Variants in TXNRD2 observed in about 807,000 individuals in gnomAD.
TXNRD2 encodes the protein thioredoxin reductase 2.
TXNRD2 carries 67 observed loss-of-function variants against 70.8 expected under a neutral mutation model. The ratio of observed to expected loss-of-function variants is 0.95; its 90% CI spans 0.78 to 1.16. The LOEUF (loss-of-function observed/expected upper bound fraction) is 1.16, where lower values mean the gene tolerates loss of function less well. Ranked by LOEUF, TXNRD2 falls within the 50% of genes most tolerant of loss-of-function variation. The pLI is 0.00. For missense variants in TXNRD2, 644 were observed against 719.9 expected (o/e 0.89, Z 1.21); for synonymous variants, 301 against 295.8 (o/e 1.02, Z -0.18).
chr22:19,882,506 A>C (rs1938825694), intron 12 of TXNRD2, among the ~76,000 whole-genome samples: 1 of 152,144 alleles, frequency 6.6e-6, no homozygotes, highest in Admixed American at 6.6e-5. Flanking sequence ...GCCCCAGCTG[A>C]CACTTTCATT....
At chr22:19,915,957 C>G in intron 5 of TXNRD2, 114 bp from the exon 6 acceptor site, 1 of 959,204 alleles carries the variant, frequency 1.0e-6, no homozygotes, top group Middle Eastern at 2.1e-4. Flanking sequence ...GGGCCTGGTG[C>G]TGTGGCTCAG....
intron 17 of TXNRD2, 134 bp downstream of exon 17, chr22:19,876,906 A>G: frequency 1.7e-6 from 1 of 577,878 alleles, no homozygotes. Context: ...TGGCCTGGTT[A>G]CAGGATGGAG....
intron 1 of TXNRD2, chr22:19,933,598 C>G (rs754021409): frequency 1.0e-6 from 1 of 979,842 alleles, no homozygotes; most frequent in Non-Finnish European, 1.4e-6. Context: ...CCCCTGTGCA[C>G]ACCCAGGAGC....
At chr22:19,941,057 T>C (rs2146117713) in intron 1 of TXNRD2, among the ~76,000 whole-genome samples, 1 of 152,124 alleles carries the variant, frequency 6.6e-6, no homozygotes, top group African/African-American at 2.4e-5. Context: ...GGGGGCTGGG[T>C]CGAGGGGCCC....
intron 12 of TXNRD2, chr22:19,881,017 C>G (rs908006278): frequency 1.1e-5 from 6 of 547,058 alleles, no homozygotes; most frequent in African/African-American, 3.8e-5. Context: ...TCTCCAAACC[C>G]CTTCTGCACA....
At chr22:19,887,136 C>A (rs1939067970) in intron 11 of TXNRD2, among the ~76,000 whole-genome samples, 1 of 152,176 alleles carries the variant, frequency 6.6e-6, no homozygotes, top group South Asian at 2.1e-4. Flanking sequence ...CAGTTCCTGC[C>A]TTTTCTCATC....
intron 7 of TXNRD2, among the ~76,000 whole-genome samples, chr22:19,913,687 G>A (rs1266363025): frequency 1.3e-5 from 2 of 152,224 alleles, no homozygotes; most frequent in Admixed American, 6.5e-5. Flanking sequence ...CCAGGCGCAT[G>A]CACAGCACTG....
chr22:19,937,067 C>T (rs1941561196), intron 1 of TXNRD2, among the ~76,000 whole-genome samples: 1 of 152,296 alleles, frequency 6.6e-6, no homozygotes, highest in Middle Eastern at 3.4e-3. Context: ...GTACCGAGGT[C>T]ATTTTGCTTC....
At chr22:19,915,095 T>C (rs375039053) in intron 7 of TXNRD2, 119 bp downstream of exon 7, 22 of 900,438 alleles carry the variant, frequency 2.4e-5, no homozygotes, top group African/African-American at 1.7e-4. Flanking sequence ...TGATAGTGAG[T>C]ATAGGGGGAA....
intron 13 of TXNRD2, 41 bp downstream of exon 13, chr22:19,880,581 C>G (rs746558820): frequency 4.2e-5 from 66 of 1,580,610 alleles, no homozygotes; most frequent in Non-Finnish European, 5.6e-5. Flanking sequence ...TCGAACTCAG[C>G]CTGTCCTAGG....
At position 19,878,443 on chromosome 22, in the gene TXNRD2, G is replaced by A. The variant is rs780563496; in HGVS notation, c.1276-6C>T. Reference sequence around the variant, plus strand: ...TTATAATGGGCGTGATAGACCTGAGGACAGGATACCAACCCTGGATCAGTG... The same window carrying A: ...TTATAATGGGCGTGATAGACCTGAGAACAGGATACCAACCCTGGATCAGTG... On this transcript the variant is annotated splice_region_variant and splice_polypyrimidine_tract_variant and intron_variant, in intron 14 of 17. Transcript: ENST00000400521. 8.1e-6 allele frequency: 13 copies of A among 1,613,366 alleles called. No individual in the cohort carries two copies. The highest frequency in any genetic ancestry group is 1.1e-5 in the South Asian group (1 of 91,084).
At chr22:19,938,858 G>A (rs937639287) in intron 1 of TXNRD2, among the ~76,000 whole-genome samples, 3 of 151,998 alleles carry the variant, frequency 2.0e-5, no homozygotes, top group African/African-American at 7.3e-5. Context: ...AGACAAGGCT[G>A]GTTTAAAAGC....
At position 19,892,738 on chromosome 22, in the gene TXNRD2, G is replaced by A. The variant is rs529819921; in HGVS notation, c.949+2669C>T. 1.4e-3 allele frequency among the ~76,000 whole-genome samples: 217 copies of A among 152,282 alleles called. 1 individual carries two copies. Among genetic ancestry groups the A allele is most frequent in the African/African-American group, 5.0e-3 (209 of 41,548 alleles). ...AGACAGAGGAGGAGGGCTAGGGCGC[G>A]GTGGGAGGGAGAAACTCGCCACCTC... On this transcript the variant is annotated intron_variant, in intron 11 of 17. Coordinates refer to ENST00000400521, the MANE Select transcript of TXNRD2 (RefSeq NM_006440.5).
chr22:19,911,597 G>A, intron 7 of TXNRD2, 150 bp from the exon 8 acceptor site: 4 of 714,892 alleles, frequency 5.6e-6, no homozygotes, highest in African/African-American at 1.8e-5. Flanking sequence ...CTTGTCTGCA[G>A]GCTGTGGCCT....
rs5992494 is a variant in TXNRD2 at position 19,895,365 on chromosome 22, G to A, written c.949+42C>T. The stretch of plus-strand genomic sequence containing the variant: ...GGGGCAAAGATTCTCCATGCACCTC[G>A]GGGAGACCAGAGACAGAGCGTGTGG... On this transcript the variant is annotated intron_variant, in intron 11 of 17. Transcript: ENST00000400521. 0.018 allele frequency: 29,627 copies of A among 1,612,486 alleles called. 4,135 individuals carry two copies. The African/African-American group carries it at 0.33, about 18-fold the overall frequency.
chr22:19,914,988 G>C (rs1940569022), intron 7 of TXNRD2: 3 of 550,052 alleles, frequency 5.5e-6, no homozygotes, highest in African/African-American at 3.8e-5. Flanking sequence ...GGGGAGAGCA[G>C]AACGAGAGCT....
chr22:19,921,123 A>G (rs1457527332), intron 2 of TXNRD2, among the ~76,000 whole-genome samples: 1 of 141,812 alleles, frequency 7.1e-6, no homozygotes, highest in Non-Finnish European at 1.5e-5. Context: ...AAAAAAAAAA[A>G]GCTAATGTCC....
chr22:19,931,093 G>A lies in TXNRD2; in HGVS notation c.109C>T (p.Gln37Ter), dbSNP rs771285377. 5.0e-6 allele frequency: 8 copies of A among 1,613,298 alleles called. No individual in the cohort carries two copies. Among genetic ancestry groups the A allele is most frequent in the South Asian group, 3.3e-5 (3 of 91,066 alleles). ...ACCACCAGGAGATCATAGTCCCGCT[G>A]ACCTGCTGAGAGAAGGGATGAGAGG... ...RGAARGAAAG[Q>*]RDYDLLVVGG... The change falls in exon 2 of 18, where the codon CAG (glutamine) becomes TAG (stop). Residue 37 changes from glutamine to a stop codon, truncating the protein, a stop_gained. Coordinates refer to ENST00000400521, the MANE Select transcript of TXNRD2 (RefSeq NM_006440.5). LOFTEE classifies it high-confidence loss of function.
intron 4 of TXNRD2, 117 bp downstream of exon 4, chr22:19,918,743 G>A: frequency 7.6e-7 from 1 of 1,317,084 alleles, no homozygotes; most frequent in Non-Finnish European, 1.1e-6. Context: ...GCCCCTGGCT[G>A]AGAAACCCAT....
Sources: allele counts gnomAD v4.1 joint callset (sites outside exome capture counted in the v4.1 genomes callset), GRCh38; gene constraint gnomAD v4.1.1; transcripts MANE v1.5; gene names NCBI Gene and HGNC (gene_info 2026-07-23, HGNC 2026-07-21).